HOMER1: variants seen among roughly 807,000 people sequenced by gnomAD.
HOMER1 encodes the protein homer protein homolog 1.
In HOMER1, 3 loss-of-function variants were observed where a neutral mutation model predicts 48.9. The observed-to-expected ratio is 0.06, with a 90% CI of 0.03 to 0.16. The LOEUF (loss-of-function observed/expected upper bound fraction) is 0.16. Among genes scored for constraint, HOMER1 ranks in the 10% least tolerant of loss-of-function variants. The pLI is 1.00. For missense variants in HOMER1, 247 were observed against 411.4 expected (o/e 0.60, Z 3.46); for synonymous variants, 134 against 146.4 (o/e 0.92, Z 0.61).
intron 1 of HOMER1, chr5:79,510,916 G>A: frequency 3.1e-6 from 2 of 635,686 alleles, no homozygotes; most frequent in East Asian, 2.5e-5. Flanking sequence ...ATCTGCCAAC[G>A]TGAGGACAGG....
intron 2 of HOMER1, among the ~76,000 whole-genome samples, chr5:79,456,237 C>T (rs1161488012): frequency 2.0e-5 from 3 of 151,540 alleles, no homozygotes; most frequent in Non-Finnish European, 4.4e-5. Context: ...CAGATATTAA[C>T]TCATTTAATC....
chr5:79,391,636 C>T (rs1193369163), intron 8 of HOMER1, among the ~76,000 whole-genome samples: 1 of 151,550 alleles, frequency 6.6e-6, no homozygotes, highest in Non-Finnish European at 1.5e-5. Flanking sequence ...GTCCCAGCTA[C>T]TCGGGAGGCT....
intron 3 of HOMER1, 122 bp downstream of exon 3, chr5:79,450,868 T>A (rs745748241): frequency 4.5e-4 from 413 of 920,000 alleles, no homozygotes; most frequent in Non-Finnish European, 5.7e-4. Flanking sequence ...AAGTCACTAC[T>A]GCTGTTTCGA....
Position 79,379,127 on chromosome 5 carries a change from AT to A in HOMER1, c.877-2931del, listed in dbSNP as rs1266531718. Among the ~76,000 whole-genome samples the A allele has an allele frequency of 2.9e-5, 3 of 103,648 alleles. 1 individual carries two copies. Among genetic ancestry groups the A allele is most frequent in the African/African-American group, 1.2e-4 (3 of 25,488 alleles). 68.0% of individuals were successfully genotyped at this position (103,648 alleles called of 152,430 possible). On this transcript the variant is annotated intron_variant, in intron 8 of 8. Coordinates refer to ENST00000334082, the MANE Select transcript of HOMER1 (RefSeq NM_004272.5). ...ATATATATATATAAAATATATAAAT[AT>A]TTATTTATATATAAAAATTATTTAT...
chr5:79,492,489 A>G (rs1266948589), intron 1 of HOMER1, among the ~76,000 whole-genome samples: 1 of 147,784 alleles, frequency 6.8e-6, no homozygotes, highest in African/African-American at 2.7e-5. Flanking sequence ...TTTCCTAACT[A>G]TGAAAGAAGG....
chr5:79,451,815 C>T (rs777897928), intron 2 of HOMER1, among the ~76,000 whole-genome samples: 1 of 152,042 alleles, frequency 6.6e-6, no homozygotes, highest in Non-Finnish European at 1.5e-5. Flanking sequence ...CCCGCCTCGG[C>T]CTCCCAAAGT....
chr5:79,412,908 G>T (rs1314294652), intron 5 of HOMER1, among the ~76,000 whole-genome samples: 1 of 152,232 alleles, frequency 6.6e-6, no homozygotes, highest in African/African-American at 2.4e-5. Flanking sequence ...CAATAGGAGG[G>T]ACTGGAAAGG....
chr5:79,482,350 G>A (rs1336414329), intron 1 of HOMER1, among the ~76,000 whole-genome samples: 1 of 152,016 alleles, frequency 6.6e-6, no homozygotes, highest in African/African-American at 2.4e-5. Context: ...AACACACCCA[G>A]AAATGACATA....
intron 1 of HOMER1, among the ~76,000 whole-genome samples, chr5:79,483,906 T>G (rs537035969): frequency 4.6e-5 from 7 of 151,528 alleles, no homozygotes; most frequent in African/African-American, 1.5e-4. Flanking sequence ...AATACAAAAT[T>G]AGCCGGGTGT....
At chr5:79,437,948 C>T (rs755855083) in intron 5 of HOMER1, among the ~76,000 whole-genome samples, 4 of 152,158 alleles carry the variant, frequency 2.6e-5, no homozygotes, top group Non-Finnish European at 5.9e-5. Context: ...TATGCCACTG[C>T]ACCTGGCCAT....
chr5:79,379,546 GACA>G (rs1369427905), intron 8 of HOMER1, among the ~76,000 whole-genome samples: 2 of 140,658 alleles, frequency 1.4e-5, no homozygotes, highest in African/African-American at 5.3e-5. Context: ...CATATATTCT[GACA>G]ACAATAACTT....
chr5:79,379,738 C>A (rs1004636088), intron 8 of HOMER1, among the ~76,000 whole-genome samples: 6 of 151,722 alleles, frequency 4.0e-5, no homozygotes, highest in Admixed American at 2.6e-4. Context: ...AGCCACCATG[C>A]CCGGCCTTGC....
At chr5:79,459,960 G>A (rs1408979638) in intron 1 of HOMER1, among the ~76,000 whole-genome samples, 3 of 152,146 alleles carry the variant, frequency 2.0e-5, no homozygotes, top group Non-Finnish European at 4.4e-5. Context: ...CAGTTCATGA[G>A]GGTGTCTACT....
At chr5:79,414,541 G>A (rs1417857975) in intron 5 of HOMER1, among the ~76,000 whole-genome samples, 5 of 151,190 alleles carry the variant, frequency 3.3e-5, no homozygotes, top group Non-Finnish European at 5.9e-5. Flanking sequence ...CACCACACTT[G>A]ACTAATTTTA....
chr5:79,473,791 C>G (rs1287433885), intron 1 of HOMER1, among the ~76,000 whole-genome samples: 1 of 152,102 alleles, frequency 6.6e-6, no homozygotes, highest in African/African-American at 2.4e-5. Context: ...CACCCTGCAG[C>G]AATTCCACAT....
intron 3 of HOMER1, among the ~76,000 whole-genome samples, chr5:79,447,584 ACT>A (rs1750919173): frequency 6.6e-6 from 1 of 152,060 alleles, no homozygotes; most frequent in Admixed American, 6.6e-5. Context: ...TAAAATATAA[ACT>A]CTCTTAATAC....
At chr5:79,478,486 C>A (rs1473210943) in intron 1 of HOMER1, among the ~76,000 whole-genome samples, 1 of 149,362 alleles carries the variant, frequency 6.7e-6, no homozygotes, top group Non-Finnish European at 1.5e-5. Context: ...CTCAGGAGTT[C>A]GAGACCAGCC....
intron 8 of HOMER1, among the ~76,000 whole-genome samples, chr5:79,382,189 C>A (rs1484088684): frequency 6.6e-6 from 1 of 152,040 alleles, no homozygotes; most frequent in African/African-American, 2.4e-5. Context: ...ATAAAATATG[C>A]AAATTATCAG....
At position 79,373,051 on chromosome 5, in the gene HOMER1, GAA is replaced by G. The variant is rs1378530819; in HGVS notation, c.*2956_*2957del. 6.6e-6 allele frequency: 1 copy of G among 152,124 alleles called. No individual in the cohort carries two copies. The highest frequency in any genetic ancestry group is 2.4e-5 in the African/African-American group (1 of 41,434). The allele number at this position is 152,124 out of a possible 1,614,324, so 9.4% of individuals were successfully genotyped here. On this transcript the variant is annotated 3_prime_UTR_variant, in exon 9 of 9. Coordinates refer to ENST00000334082, the MANE Select transcript of HOMER1 (RefSeq NM_004272.5). ...GTCTGCAGAAAGAAAGTGGAAAAGA[GAA>G]AGAGAGAGAGAGGAGAACAAAAACT...
Sources: gnomAD v4.1 joint callset for allele counts (sites outside exome capture counted in the v4.1 genomes callset) on GRCh38, gnomAD v4.1.1 for gene constraint, MANE v1.5 for transcripts, NCBI Gene and HGNC (gene_info 2026-07-23, HGNC 2026-07-21) for gene names.